Variants in PCSK5 observed in about 807,000 individuals in gnomAD.
The protein encoded by PCSK5 is proprotein convertase subtilisin/kexin type 5.
A neutral mutation model predicts 233.2 loss-of-function variants in PCSK5; 129 were observed. The observed-to-expected ratio is 0.55, with a 90% confidence interval of 0.48 to 0.64. The LOEUF (loss-of-function observed/expected upper bound fraction) is 0.64, where lower values mean the gene tolerates loss of function less well. PCSK5 is among the 30% of genes least tolerant of loss of function. The pLI is 0.00. For missense variants in PCSK5, 2,076 were observed against 2,430.1 expected (o/e 0.85, Z 3.06); for synonymous variants, 825 against 879.2 (o/e 0.94, Z 1.09).
intron 27 of PCSK5, among the ~76,000 whole-genome samples, chr9:76,297,996 G>T (rs1417826984): frequency 6.6e-6 from 1 of 152,220 alleles, no homozygotes; most frequent in Non-Finnish European, 1.5e-5. Context: ...ATTCAATCCA[G>T]ATTGGGCTAT....
At chr9:76,145,064 G>T (rs1823390381) in intron 10 of PCSK5, among the ~76,000 whole-genome samples, 1 of 152,170 alleles carries the variant, frequency 6.6e-6, no homozygotes, top group African/African-American at 2.4e-5. Context: ...GGCAGAGGTT[G>T]CAGTGAGCCA....
At chr9:76,082,866 A>G (rs1165118412) in intron 7 of PCSK5, among the ~76,000 whole-genome samples, 1 of 152,158 alleles carries the variant, frequency 6.6e-6, no homozygotes, top group African/African-American at 2.4e-5. Flanking sequence ...TTTCATAGTC[A>G]GAAAAGCCTA....
chr9:76,148,599 C>T (rs188496450), intron 10 of PCSK5, among the ~76,000 whole-genome samples: 30 of 152,276 alleles, frequency 2.0e-4, no homozygotes, highest in African/African-American at 7.0e-4. Flanking sequence ...CACAAAACAA[C>T]TTCTCCCCAA....
intron 1 of PCSK5, among the ~76,000 whole-genome samples, chr9:75,928,496 A>G (rs2131271744): frequency 6.6e-6 from 1 of 150,884 alleles, no homozygotes. Flanking sequence ...GCCCAACAGC[A>G]TGTTGGTGCT....
intron 1 of PCSK5, among the ~76,000 whole-genome samples, chr9:75,904,606 G>A (rs1826182137): frequency 6.6e-6 from 1 of 152,170 alleles, no homozygotes. Flanking sequence ...ACACTCACTA[G>A]GATGGCTATA....
At chr9:75,980,291 C>T (rs1383122530) in intron 2 of PCSK5, among the ~76,000 whole-genome samples, 1 of 152,060 alleles carries the variant, frequency 6.6e-6, no homozygotes, top group East Asian at 1.9e-4. Flanking sequence ...TAGAGAAAGC[C>T]AACCAAATAT....
chr9:76,268,930 CACT>C (rs1406167199), intron 24 of PCSK5, among the ~76,000 whole-genome samples: 1 of 152,204 alleles, frequency 6.6e-6, no homozygotes, highest in African/African-American at 2.4e-5. Flanking sequence ...CTCAAGCTGC[CACT>C]AATTAACTGT....
intron 9 of PCSK5, among the ~76,000 whole-genome samples, chr9:76,133,310 T>C (rs2131744577): frequency 6.6e-6 from 1 of 152,182 alleles, no homozygotes; most frequent in South Asian, 2.1e-4. Flanking sequence ...TGGCTTCGAG[T>C]ATATACATAG....
intron 4 of PCSK5, among the ~76,000 whole-genome samples, chr9:76,026,451 G>A (rs574389298): frequency 3.3e-5 from 5 of 152,078 alleles, no homozygotes; most frequent in African/African-American, 4.8e-5. Context: ...AATAAAGATC[G>A]AATATTGATT....
chr9:75,928,596 C>CATATATATATATGTATATATATGTATAT (rs1823611899), intron 1 of PCSK5, among the ~76,000 whole-genome samples: 4 of 68,414 alleles, frequency 5.8e-5, no homozygotes, highest in African/African-American at 2.0e-4. Context: ...CATATAAATA[C>CATATATATATATGTATATATATGTATAT]ATATATATAT....
chr9:76,212,980 C>T (rs977695296), intron 20 of PCSK5, among the ~76,000 whole-genome samples: 1 of 152,214 alleles, frequency 6.6e-6, no homozygotes, highest in African/African-American at 2.4e-5. Flanking sequence ...ATCTGCCCCT[C>T]CTATATGTGA....
chr9:75,998,221 C>T (rs889245765), intron 3 of PCSK5, among the ~76,000 whole-genome samples: 1 of 152,080 alleles, frequency 6.6e-6, no homozygotes, highest in Non-Finnish European at 1.5e-5. Context: ...AGCAGGCCCA[C>T]ATAATTTTTT....
intron 2 of PCSK5, among the ~76,000 whole-genome samples, chr9:75,942,046 C>T (rs971432448): frequency 2.6e-5 from 4 of 152,242 alleles, no homozygotes; most frequent in Admixed American, 6.5e-5. Flanking sequence ...CATAAACTCA[C>T]GTGCCTTGAG....
chr9:76,327,120 T>TC, intron 32 of PCSK5, among the ~76,000 whole-genome samples: 3 of 145,784 alleles, frequency 2.1e-5, no homozygotes, highest in Admixed American at 2.0e-4. Context: ...TTTTTTTTTT[T>TC]TCCTGAGACA....
rs1290396114 is a variant in PCSK5 at position 76,332,752 on chromosome 9, C to G, written c.4748+142C>G. On this transcript the variant is annotated intron_variant, in intron 34 of 37. Transcript: ENST00000674117. ...GTGCTAGTAAGGAGCAAAGATGAAC[C>G]AATTCACAGTAACAGAAGAGAAACA... 8 of 634,994 alleles carry G rather than the reference C, an allele frequency of 1.3e-5. No individual in the cohort carries two copies. The South Asian group carries it at 1.4e-4, about 11-fold the overall frequency. 39.3% of individuals were successfully genotyped at this position (634,994 alleles called of 1,614,324 possible). A position where few individuals can be genotyped will look rare whatever the true frequency, so the allele number is the denominator to read the frequency against.
intron 3 of PCSK5, among the ~76,000 whole-genome samples, chr9:75,999,463 A>G (rs1827171112): frequency 6.6e-6 from 1 of 152,232 alleles, no homozygotes. Flanking sequence ...CATTGTTTCT[A>G]TAGATATTAA....
rs764035560 is a variant in PCSK5 at position 76,356,483 on chromosome 9, G to A, written c.5255-2030G>A. The stretch of plus-strand genomic sequence containing the variant: ...CCTAGTAATTCAAACAACCTCAAAA[G>A]GTTTTCATATTGATTCTACTGCTTC... On this transcript the variant is annotated intron_variant, in intron 37 of 37. Coordinates refer to ENST00000674117, the MANE Select transcript of PCSK5 (RefSeq NM_001372043.1). 5.9e-4 allele frequency among the ~76,000 whole-genome samples: 90 copies of A among 152,222 alleles called. 1 individual carries two copies. The highest frequency in any genetic ancestry group is 8.8e-5 in the Non-Finnish European group (6 of 68,022).
chr9:76,312,623 T>C (rs532201204), intron 30 of PCSK5, among the ~76,000 whole-genome samples: 3 of 152,092 alleles, frequency 2.0e-5, no homozygotes, highest in Non-Finnish European at 4.4e-5. Flanking sequence ...AGTATAAATA[T>C]AGAGTATAAA....
At chr9:76,284,052 G>T (rs577428164) in intron 24 of PCSK5, among the ~76,000 whole-genome samples, 1 of 151,926 alleles carries the variant, frequency 6.6e-6, no homozygotes, top group Non-Finnish European at 1.5e-5. Flanking sequence ...GTAGCATTTG[G>T]TTAGGTGTGG....
Sources: allele counts gnomAD v4.1 joint callset (sites outside exome capture counted in the v4.1 genomes callset), GRCh38; gene constraint gnomAD v4.1.1; transcripts MANE v1.5; gene names NCBI Gene and HGNC (gene_info 2026-07-23, HGNC 2026-07-21).